Variants in HYKK observed in about 807,000 individuals in gnomAD.
HYKK encodes the protein hydroxylysine kinase.
HYKK carries 19 observed loss-of-function variants against 29.7 expected under a neutral mutation model. The observed-to-expected ratio is 0.64, with a 90% CI of 0.45 to 0.94. The LOEUF (loss-of-function observed/expected upper bound fraction) is 0.94, where lower values mean the gene tolerates loss of function less well. HYKK is among the 40% of genes least tolerant of loss of function. The pLI is 0.00. For synonymous variants in HYKK, 152 were observed against 158.1 expected, an observed-to-expected ratio of 0.96 and a Z score of 0.29; for missense variants, 390 against 443.4, an observed-to-expected ratio of 0.88 and a Z score of 1.08.
intron 4 of HYKK, among the ~76,000 whole-genome samples, chr15:78,530,528 A>G (rs558140602): frequency 1.4e-4 from 21 of 152,328 alleles, no homozygotes; most frequent in African/African-American, 2.4e-4. Flanking sequence ...ATTTTCTTCA[A>G]TGAAGGAAAT....
At chr15:78,513,453 T>C in intron 2 of HYKK, 28 bp downstream of exon 2, 1 of 1,514,266 alleles carries the variant, frequency 6.6e-7, no homozygotes, top group East Asian at 2.3e-5. Context: ...CGCCGATCCA[T>C]TACCTATCCA....
At chr15:78,513,454 T>C in intron 2 of HYKK, 29 bp downstream of exon 2, 1 of 1,508,838 alleles carries the variant, frequency 6.6e-7, no homozygotes, top group Non-Finnish European at 9.1e-7. Flanking sequence ...GCCGATCCAT[T>C]ACCTATCCAG....
At chr15:78,525,115 G>A (rs1210875452) in intron 3 of HYKK, among the ~76,000 whole-genome samples, 2 of 152,046 alleles carry the variant, frequency 1.3e-5, no homozygotes, top group Admixed American at 1.3e-4. Flanking sequence ...ATAATAGTGA[G>A]TACTGAAATC....
chr15:78,520,491 C>T (rs923833222), intron 3 of HYKK, among the ~76,000 whole-genome samples: 7 of 152,138 alleles, frequency 4.6e-5, no homozygotes, highest in African/African-American at 7.2e-5. Flanking sequence ...ACATCTTGCA[C>T]CGCCCTTAAT....
intron 3 of HYKK, among the ~76,000 whole-genome samples, chr15:78,521,172 G>C (rs2052192579): frequency 6.6e-6 from 1 of 152,174 alleles, no homozygotes; most frequent in Non-Finnish European, 1.5e-5. Context: ...AGGCCTGTGG[G>C]ATCCAAAGTA....
In HYKK at chr15:78,527,446, C is replaced by A; in HGVS notation, c.544C>A (p.Pro182Thr). The A allele has an allele frequency of 6.2e-7, 1 of 1,613,924 alleles. No individual in the cohort carries two copies. Among genetic ancestry groups the A allele is most frequent in the Non-Finnish European group, 8.5e-7 (1 of 1,179,840 alleles). ...CTTCATCTGGAATCTGAAAAATGTT[C>A]CTCTTCTGGAGAAATACCTGTATGC... ...ENFIWNLKNV[P>T]LLEKYLYALG... is the part of the protein sequence containing the mutation. Residue 182 changes from proline to threonine, a missense_variant, in exon 4 of 5, where the codon CCT becomes ACT. Coordinates refer to ENST00000388988, the MANE Select transcript of HYKK (RefSeq NM_001013619.4).
At position 78,533,690 on chromosome 15, in the gene HYKK, CA is replaced by C. The variant is rs746724603; in HGVS notation, c.*23del. 2.6e-6 allele frequency: 4 copies of C among 1,558,108 alleles called. No homozygotes were observed. The South Asian group carries it at 4.5e-5, about 18-fold the overall frequency. On this transcript the variant is annotated 3_prime_UTR_variant, in exon 5 of 5. Transcript: ENST00000388988. ...ATGTGACTGAGATCTCCATGTGACT[CA>C]AAGTTCACTTTAACTTGGGTAATTA...
intron 3 of HYKK, 104 bp from the exon 4 acceptor site, chr15:78,527,276 A>T: frequency 2.2e-6 from 2 of 903,672 alleles, no homozygotes; most frequent in Non-Finnish European, 1.6e-6. Flanking sequence ...GCAGAGTAAG[A>T]CTCTGTCTCA....
At chr15:78,525,730 C>T (rs187618975) in intron 3 of HYKK, among the ~76,000 whole-genome samples, 1,630 of 151,194 alleles carry the variant, frequency 0.011, 13 homozygotes, top group Middle Eastern at 0.048. Context: ...AACTCCTGAC[C>T]TCAAATGATC....
At chr15:78,526,625 A>G (rs1218188533) in intron 3 of HYKK, among the ~76,000 whole-genome samples, 7 of 152,214 alleles carry the variant, frequency 4.6e-5, no homozygotes, top group African/African-American at 1.7e-4. Context: ...TGGTTGGAGT[A>G]GGTGAGCAAA....
Position 78,536,318 on chromosome 15 carries a change from CA to C in HYKK, c.*2649del, listed in dbSNP as rs2052362502. The C allele has an allele frequency of 6.6e-6, 1 of 152,182 alleles. No homozygotes were observed. Among genetic ancestry groups the C allele is most frequent in the Non-Finnish European group, 1.5e-5 (1 of 68,102 alleles). 9.4% of individuals were successfully genotyped at this position (152,182 alleles called of 1,614,324 possible). A position where few individuals can be genotyped will look rare whatever the true frequency, so the allele number is the denominator to read the frequency against. ...CCTGCTACACACACACACACACACA[CA>C]CACACACACACATGCACACTCACTC... On this transcript the variant is annotated 3_prime_UTR_variant, in exon 5 of 5. Transcript: ENST00000388988.
At chr15:78,515,517 G>A (rs1171120695) in intron 3 of HYKK, among the ~76,000 whole-genome samples, 1 of 150,834 alleles carries the variant, frequency 6.6e-6, no homozygotes. Flanking sequence ...AGGAGGTGGA[G>A]GTTGCAGTGA....
intron 3 of HYKK, among the ~76,000 whole-genome samples, chr15:78,522,426 G>A (rs969144911): frequency 1.8e-4 from 27 of 151,616 alleles, no homozygotes; most frequent in African/African-American, 6.3e-4. Context: ...GGGTGTGGTG[G>A]TGTGTGCCTG....
chr15:78,518,147 C>G (rs1244240854), intron 3 of HYKK, among the ~76,000 whole-genome samples: 3 of 152,194 alleles, frequency 2.0e-5, no homozygotes. Flanking sequence ...ACTGCATCCT[C>G]TGTCAAGGCA....
chr15:78,509,453 G>T (rs1263539992), intron 1 of HYKK, among the ~76,000 whole-genome samples: 1 of 152,234 alleles, frequency 6.6e-6, no homozygotes, highest in Non-Finnish European at 1.5e-5. Context: ...CTCCTAAGAG[G>T]AGCTTAACAA....
chr15:78,521,611 C>T (rs374891330), intron 3 of HYKK, among the ~76,000 whole-genome samples: 14 of 151,918 alleles, frequency 9.2e-5, no homozygotes, highest in African/African-American at 1.4e-4. Context: ...ATAGAAAAGC[C>T]GGAGAAGTCA....
At chr15:78,509,664 A>G (rs1057226386) in intron 1 of HYKK, among the ~76,000 whole-genome samples, 2 of 152,212 alleles carry the variant, frequency 1.3e-5, no homozygotes, top group African/African-American at 4.8e-5. Context: ...CATTTTGAAT[A>G]CTTACCTTAT....
Position 78,535,688 on chromosome 15 carries a change from TC to T in HYKK, c.*2019del, listed in dbSNP as rs1281132754. Reference sequence around the variant, plus strand: ...AATTGTAGAATTTTAGGAATCTCTGTCTTTACTGGATTTTTTGTTTGTTTTG... The same window carrying T: ...AATTGTAGAATTTTAGGAATCTCTGTTTTACTGGATTTTTTGTTTGTTTTG... On this transcript the variant is annotated 3_prime_UTR_variant, in exon 5 of 5. Coordinates refer to ENST00000388988, the MANE Select transcript of HYKK (RefSeq NM_001013619.4). 1 of 152,162 alleles carries T rather than the reference TC, an allele frequency of 6.6e-6. No homozygotes were observed. Among genetic ancestry groups the T allele is most frequent in the Non-Finnish European group, 1.5e-5 (1 of 68,040 alleles). 9.4% of individuals were successfully genotyped at this position (152,162 alleles called of 1,614,324 possible).
At chr15:78,510,374 T>G (rs941451551) in intron 1 of HYKK, among the ~76,000 whole-genome samples, 2 of 151,856 alleles carry the variant, frequency 1.3e-5, no homozygotes, top group African/African-American at 4.8e-5. Flanking sequence ...TTTATTTTTA[T>G]TTTTAGTAGA....
Sources: gnomAD v4.1 joint callset for allele counts (sites outside exome capture counted in the v4.1 genomes callset) on GRCh38, gnomAD v4.1.1 for gene constraint, MANE v1.5 for transcripts, NCBI Gene and HGNC (gene_info 2026-07-23, HGNC 2026-07-21) for gene names.